Variants in CYSLTR2 observed in about 807,000 individuals in gnomAD.
CYSLTR2 encodes the protein G-protein coupled receptor GPCR21.
For missense variants in CYSLTR2, 398 were observed against 411.9 expected (o/e 0.97, Z 0.29); for synonymous variants, 179 against 160.8 (o/e 1.11, Z -0.86).
chr13:48,709,629 G>A lies in CYSLTR2; in HGVS notation c.*1771G>A, dbSNP rs1016183808. 5.9e-5 allele frequency: 9 copies of A among 152,130 alleles called. No homozygotes were observed. The highest frequency in any genetic ancestry group is 1.3e-4 in the Non-Finnish European group (9 of 68,030). The allele number at this position is 152,130 out of a possible 1,614,324, so 9.4% of individuals were successfully genotyped here. The stretch of plus-strand genomic sequence containing the variant: ...CTGTCAGAGCCTCATTCTTAATTAT[G>A]AAAAGTAGTCAATGAACACAATACA... On this transcript the variant is annotated 3_prime_UTR_variant, in exon 5 of 5. Coordinates refer to ENST00000682523, the MANE Select transcript of CYSLTR2 (RefSeq NM_001308476.3).
rs1954577015 is a variant in CYSLTR2 at position 48,709,122 on chromosome 13, A to T, written c.*1264A>T. On this transcript the variant is annotated 3_prime_UTR_variant, in exon 5 of 5. Transcript: ENST00000682523. ...TTACACAGCTAGTAAGAGTTTTAAA[A>T]ATCTCTGTGCAGAAGTGTTGGCTGG... 1 of 167,076 alleles carries T rather than the reference A, an allele frequency of 6.0e-6. No homozygotes were observed. Among genetic ancestry groups the T allele is most frequent in the South Asian group, 2.1e-4 (1 of 4,828 alleles). The allele number at this position is 167,076 out of a possible 1,614,324, so 10.3% of individuals were successfully genotyped here.
chr13:48,674,714 G>T (rs1030472848), intron 1 of CYSLTR2, among the ~76,000 whole-genome samples: 4 of 152,176 alleles, frequency 2.6e-5, no homozygotes, highest in African/African-American at 9.7e-5. Flanking sequence ...CTGGTTTTTG[G>T]AATTTGGGGC....
intron 1 of CYSLTR2, among the ~76,000 whole-genome samples, chr13:48,680,795 C>CTTTTTTTTTTTTT (rs1268529678): frequency 2.5e-4 from 28 of 110,612 alleles, no homozygotes; most frequent in African/African-American, 6.7e-4. Context: ...CTTTTCTTTT[C>CTTTTTTTTTTTTT]TTTTCTTTTT....
At chr13:48,687,333 A>G (rs1433875373) in intron 1 of CYSLTR2, among the ~76,000 whole-genome samples, 1 of 147,858 alleles carries the variant, frequency 6.8e-6, no homozygotes, top group East Asian at 1.9e-4. Context: ...ATCTCCTCTC[A>G]TCTATCTATC....
At chr13:48,702,576 C>G (rs1954379421) in intron 4 of CYSLTR2, among the ~76,000 whole-genome samples, 1 of 152,126 alleles carries the variant, frequency 6.6e-6, no homozygotes, top group Admixed American at 6.6e-5. Context: ...ATTGTTTTTG[C>G]ACTTCTGTAA....
chr13:48,701,139 G>A (rs1040402570), intron 4 of CYSLTR2, among the ~76,000 whole-genome samples: 2 of 152,106 alleles, frequency 1.3e-5, no homozygotes, highest in South Asian at 2.1e-4. Context: ...CTACTTTAAA[G>A]TTCAAATGGA....
Position 48,707,559 on chromosome 13 carries a change from A to G in CYSLTR2, c.742A>G (p.Thr248Ala). ...LRVSHRKALT[T>A]IIITLIIFFL... ...GGTTTCTCACAGGAAGGCACTGACC[A>G]CCATCATCATCACCTTGATCATCTT... The change falls in exon 5 of 5, where the codon ACC (threonine) becomes GCC (alanine). Residue 248 changes from threonine to alanine, a missense_variant. Physicochemically the swap from Thr to Ala is moderately conservative, Grantham distance 58. Coordinates refer to ENST00000682523, the MANE Select transcript of CYSLTR2 (RefSeq NM_001308476.3). The G allele has an allele frequency of 6.2e-7, 1 of 1,608,512 alleles. No individual in the cohort carries two copies. The highest frequency in any genetic ancestry group is 8.5e-7 in the Non-Finnish European group (1 of 1,179,982).
intron 3 of CYSLTR2, among the ~76,000 whole-genome samples, 200 bp downstream of exon 3, chr13:48,693,710 T>A (rs1335042721): frequency 1.3e-5 from 2 of 151,512 alleles, no homozygotes; most frequent in African/African-American, 4.9e-5. Flanking sequence ...ATAAAAAGAG[T>A]GACATTAAAA....
chr13:48,664,356 A>G (rs1331622938), intron 1 of CYSLTR2, among the ~76,000 whole-genome samples: 1 of 151,964 alleles, frequency 6.6e-6, no homozygotes, highest in African/African-American at 2.4e-5. Flanking sequence ...ATGAATTAGG[A>G]AGAATTAATT....
chr13:48,695,616 A>G (rs1295461130), intron 3 of CYSLTR2, among the ~76,000 whole-genome samples: 5 of 151,616 alleles, frequency 3.3e-5, no homozygotes, highest in Non-Finnish European at 7.4e-5. Flanking sequence ...GCAATTACAA[A>G]TCTGTGTTCT....
chr13:48,663,814 T>C (rs1033980926), intron 1 of CYSLTR2, among the ~76,000 whole-genome samples: 1 of 152,112 alleles, frequency 6.6e-6, no homozygotes, highest in Admixed American at 6.5e-5. Flanking sequence ...ATGAATGCCA[T>C]TTATTTATTT....
intron 4 of CYSLTR2, among the ~76,000 whole-genome samples, chr13:48,703,485 G>A (rs1954403452): frequency 6.6e-6 from 1 of 152,088 alleles, no homozygotes; most frequent in South Asian, 2.1e-4. Flanking sequence ...AGTTGAGGAA[G>A]TTCCTCTTTA....
At chr13:48,687,668 A>C (rs1158822019) in intron 1 of CYSLTR2, among the ~76,000 whole-genome samples, 1 of 152,182 alleles carries the variant, frequency 6.6e-6, no homozygotes, top group Non-Finnish European at 1.5e-5. Flanking sequence ...CCTCCATCTG[A>C]AGAGTTCTCT....
At chr13:48,672,624 T>C (rs1177099164) in intron 1 of CYSLTR2, among the ~76,000 whole-genome samples, 15 of 146,518 alleles carry the variant, frequency 1.0e-4, no homozygotes, top group African/African-American at 3.6e-4. Flanking sequence ...TTCTTTTTTT[T>C]TTTTTTTTTT....
rs1384638117 is a variant in CYSLTR2 at position 48,708,425 on chromosome 13, A to G, written c.*567A>G. On this transcript the variant is annotated 3_prime_UTR_variant, in exon 5 of 5. Coordinates refer to ENST00000682523, the MANE Select transcript of CYSLTR2 (RefSeq NM_001308476.3). Reference sequence around the variant, plus strand: ...GGATTGGAGCAAAAGAGAACTGGCAATAAGTAGGGGAAGGAAGAATTTCAT... The same window carrying G: ...GGATTGGAGCAAAAGAGAACTGGCAGTAAGTAGGGGAAGGAAGAATTTCAT... 2 of 167,346 alleles carry G rather than the reference A, an allele frequency of 1.2e-5. No individual in the cohort carries two copies. Among genetic ancestry groups the G allele is most frequent in the Non-Finnish European group, 2.9e-5 (2 of 68,316 alleles). 10.4% of individuals were successfully genotyped at this position (167,346 alleles called of 1,614,324 possible). A position where few individuals can be genotyped will look rare whatever the true frequency, so the allele number is the denominator to read the frequency against.
intron 1 of CYSLTR2, among the ~76,000 whole-genome samples, chr13:48,681,155 G>GCTACA (rs1662913497): frequency 2.6e-5 from 4 of 151,956 alleles, no homozygotes; most frequent in Admixed American, 2.0e-4. Flanking sequence ...AGCCCCCTGT[G>GCTACA]GGGCCTAAAA....
chr13:48,660,648 T>C (rs1477691776), intron 1 of CYSLTR2, among the ~76,000 whole-genome samples: 1 of 152,236 alleles, frequency 6.6e-6, no homozygotes, highest in Non-Finnish European at 1.5e-5. Context: ...TCTGTGTTTC[T>C]GTTTTGATCT....
intron 4 of CYSLTR2, among the ~76,000 whole-genome samples, chr13:48,703,360 T>C (rs949296652): frequency 5.3e-5 from 8 of 152,210 alleles, no homozygotes; most frequent in African/African-American, 1.9e-4. Flanking sequence ...CTATGTTGAA[T>C]AAGACAGTGA....
chr13:48,685,467 G>A (rs1219447175), intron 1 of CYSLTR2, among the ~76,000 whole-genome samples: 1 of 152,164 alleles, frequency 6.6e-6, no homozygotes, highest in African/African-American at 2.4e-5. Context: ...CTTGATTACA[G>A]ACTTCTGGCC....
Sources: allele counts gnomAD v4.1 joint callset (sites outside exome capture counted in the v4.1 genomes callset), GRCh38; gene constraint gnomAD v4.1.1; transcripts MANE v1.5; gene names NCBI Gene and HGNC (gene_info 2026-07-23, HGNC 2026-07-21).